The following CSMD3 variants were observed in gnomAD, a reference collection of about 807,000 sequenced individuals.
CSMD3 encodes CUB and sushi domain-containing protein 3.
A neutral mutation model predicts 435.2 loss-of-function variants in CSMD3; 177 were observed. That is an observed-to-expected ratio of 0.41 (90% CI 0.36 to 0.46). CSMD3 has a LOEUF of 0.46. Among genes scored for constraint, CSMD3 ranks in the 20% least tolerant of loss-of-function variants. CSMD3 has a pLI of 0.34. For missense variants in CSMD3, 4,265 were observed against 4,504.6 expected (o/e 0.95, Z 1.52); for synonymous variants, 1,656 against 1,520.5 (o/e 1.09, Z -2.07).
rs2130657652 is a variant in CSMD3 at position 112,289,517 on chromosome 8, C to T, written c.8996G>A (p.Gly2999Asp). Reference protein sequence around the residue: ...ECIMIDCGHPGVPPNAVLSGE... With the variant: ...ECIMIDCGHPDVPPNAVLSGE... The stretch of plus-strand genomic sequence containing the variant: ...AGACAGGACTGCATTAGGAGGAACG[C>T]CAGGGTGTCCACAGTCAATCACTAC... The change falls in exon 57 of 71, where the codon GGC (glycine) becomes GAC (aspartate). Residue 2999 changes from glycine to aspartate, a missense_variant. Physicochemically the swap from Gly to Asp is moderately conservative, Grantham distance 94. This residue lies in a region of CSMD3 where 3,255 missense variants were observed against 3,380.2 expected (regional missense o/e 0.96). Transcript: ENST00000297405. The T allele has an allele frequency of 6.2e-7, 1 of 1,611,914 alleles. No individual in the cohort carries two copies. The highest frequency in any genetic ancestry group is 8.5e-7 in the Non-Finnish European group (1 of 1,178,696).
chr8:113,233,015 T>C (rs999249145), intron 3 of CSMD3, among the ~76,000 whole-genome samples: 2 of 151,926 alleles, frequency 1.3e-5, no homozygotes, highest in Non-Finnish European at 2.9e-5. Context: ...GCTGAAAAAG[T>C]TAAGATATAA....
chr8:112,878,924 C>CAAG (rs2081369061), intron 10 of CSMD3, among the ~76,000 whole-genome samples: 1 of 152,082 alleles, frequency 6.6e-6, no homozygotes. Flanking sequence ...CCGTTATCTT[C>CAAG]GTAAGCTGAG....
chr8:112,225,748 C>T (rs558825865), intron 70 of CSMD3, among the ~76,000 whole-genome samples: 6 of 152,250 alleles, frequency 3.9e-5, no homozygotes, highest in Non-Finnish European at 7.4e-5. Context: ...AATGGCTACT[C>T]TCATACTCAA....
At chr8:112,910,380 T>C (rs2082375369) in intron 10 of CSMD3, among the ~76,000 whole-genome samples, 1 of 151,800 alleles carries the variant, frequency 6.6e-6, no homozygotes, top group Non-Finnish European at 1.5e-5. Context: ...CTTCCTCAGA[T>C]AACTGTACCT....
intron 10 of CSMD3, among the ~76,000 whole-genome samples, chr8:112,871,066 T>C (rs2081122524): frequency 6.6e-6 from 1 of 152,184 alleles, no homozygotes; most frequent in Non-Finnish European, 1.5e-5. Flanking sequence ...TCCATTTCCA[T>C]GGTAACATTT....
At chr8:112,736,023 C>T (rs1334664201) in intron 13 of CSMD3, among the ~76,000 whole-genome samples, 1 of 151,894 alleles carries the variant, frequency 6.6e-6, no homozygotes, top group Non-Finnish European at 1.5e-5. Flanking sequence ...GAGCTGTGTC[C>T]AAGTCCTCTT....
intron 10 of CSMD3, among the ~76,000 whole-genome samples, chr8:112,862,680 T>G (rs2129917445): frequency 6.6e-6 from 1 of 152,216 alleles, no homozygotes; most frequent in Middle Eastern, 3.4e-3. Context: ...TCTCAGTGGC[T>G]TACAACAATG....
chr8:112,578,048 G>A (rs1830075475), intron 23 of CSMD3, among the ~76,000 whole-genome samples: 2 of 152,074 alleles, frequency 1.3e-5, no homozygotes, highest in South Asian at 4.2e-4. Context: ...TTTATAGGTT[G>A]ATTTGGAAAT....
chr8:112,835,763 C>A (rs141896472), intron 11 of CSMD3, among the ~76,000 whole-genome samples: 76 of 151,950 alleles, frequency 5.0e-4, no homozygotes, highest in African/African-American at 1.8e-3. Context: ...TTCTAGAGCA[C>A]AGCAGTCTTG....
intron 12 of CSMD3, among the ~76,000 whole-genome samples, chr8:112,819,738 C>A (rs1587387796): frequency 1.3e-5 from 2 of 152,172 alleles, no homozygotes; most frequent in East Asian, 3.9e-4. Flanking sequence ...ACAGATTTTT[C>A]AAAATTAATA....
At chr8:112,477,260 G>C (rs1400418837) in intron 31 of CSMD3, among the ~76,000 whole-genome samples, 1 of 151,922 alleles carries the variant, frequency 6.6e-6, no homozygotes, top group African/African-American at 2.4e-5. Flanking sequence ...TTTACATTTG[G>C]GGGCAATACT....
chr8:113,038,630 T>C (rs974655509), intron 5 of CSMD3, among the ~76,000 whole-genome samples: 3 of 152,202 alleles, frequency 2.0e-5, no homozygotes, highest in Non-Finnish European at 4.4e-5. Flanking sequence ...GTTGAGTGTG[T>C]GCTTTCTGGC....
chr8:113,335,021 T>C (rs1408504964), intron 1 of CSMD3, among the ~76,000 whole-genome samples: 1 of 152,058 alleles, frequency 6.6e-6, no homozygotes, highest in Non-Finnish European at 1.5e-5. Flanking sequence ...TTGAATCATA[T>C]GAGTGGTTTT....
At chr8:113,360,707 G>A (rs1336180696) in intron 1 of CSMD3, among the ~76,000 whole-genome samples, 1 of 151,258 alleles carries the variant, frequency 6.6e-6, no homozygotes, top group Non-Finnish European at 1.5e-5. Flanking sequence ...CCGAGTAGCT[G>A]GGACTACAGG....
intron 4 of CSMD3, among the ~76,000 whole-genome samples, chr8:113,104,200 T>C (rs2090411655): frequency 6.6e-6 from 1 of 152,122 alleles, no homozygotes. Context: ...AAATGAACTG[T>C]AAATTGTAGG....
At chr8:112,590,115 A>G (rs1406376244) in intron 22 of CSMD3, among the ~76,000 whole-genome samples, 1 of 152,178 alleles carries the variant, frequency 6.6e-6, no homozygotes, top group Non-Finnish European at 1.5e-5. Context: ...GAATGCTCTG[A>G]TTTGGAAAAA....
intron 1 of CSMD3, chr8:113,377,179 C>A: frequency 8.3e-7 from 1 of 1,206,500 alleles, no homozygotes; most frequent in Non-Finnish European, 1.1e-6. Context: ...GCAAACCCTA[C>A]ATCCGCTCCA....
At chr8:112,886,858 A>G (rs938719653) in intron 10 of CSMD3, among the ~76,000 whole-genome samples, 1 of 151,652 alleles carries the variant, frequency 6.6e-6, no homozygotes, top group Non-Finnish European at 1.5e-5. Context: ...TAAATGCTAT[A>G]TAAATAATTG....
intron 32 of CSMD3, among the ~76,000 whole-genome samples, chr8:112,421,536 C>T (rs1812497153): frequency 7.6e-6 from 1 of 130,872 alleles, no homozygotes; most frequent in African/African-American, 3.0e-5. Flanking sequence ...AGAGGAGGAC[C>T]CCCTGTAAAA....
Sources: allele counts gnomAD v4.1 joint callset (sites outside exome capture counted in the v4.1 genomes callset), GRCh38; gene constraint gnomAD v4.1.1; regional missense constraint gnomAD v4.1.1; transcripts MANE v1.5; gene names NCBI Gene and HGNC (gene_info 2026-07-23, HGNC 2026-07-21).